The following DLC1 variants were observed in gnomAD, a reference collection of about 807,000 sequenced individuals.
The protein encoded by DLC1 is DLC1 Rho GTPase activating protein.
DLC1 carries 54 observed loss-of-function variants against 140.3 expected under a neutral mutation model. That is an observed-to-expected ratio of 0.38 (90% confidence interval 0.31 to 0.48). The LOEUF is 0.48. DLC1 is among the 20% of genes least tolerant of loss of function. The pLI is 0.96. For synonymous variants in DLC1, 986 were observed against 728.1 expected, an observed-to-expected ratio of 1.35 and a Z score of -5.70; for missense variants, 2,536 against 1,907.0, an observed-to-expected ratio of 1.33 and a Z score of -6.14.
At chr8:13,472,592 A>G (rs1408290651) in intron 2 of DLC1, among the ~76,000 whole-genome samples, 3 of 152,118 alleles carry the variant, frequency 2.0e-5, no homozygotes, top group Non-Finnish European at 4.4e-5. Context: ...AAACCCCCTC[A>G]TGCTCTGCTG....
chr8:13,315,398 T>C (rs978732123), intron 4 of DLC1, among the ~76,000 whole-genome samples: 14 of 152,268 alleles, frequency 9.2e-5, no homozygotes. Context: ...TTGAGATGTC[T>C]ATAAACATTC....
intron 5 of DLC1, among the ~76,000 whole-genome samples, chr8:13,123,728 G>C (rs1165625355): frequency 1.3e-5 from 2 of 151,790 alleles, no homozygotes; most frequent in Non-Finnish European, 2.9e-5. Context: ...TTTCCTCTTT[G>C]TAAGCTCCAA....
intron 5 of DLC1, among the ~76,000 whole-genome samples, chr8:13,143,653 C>T (rs1243485139): frequency 6.6e-6 from 1 of 151,328 alleles, no homozygotes; most frequent in Non-Finnish European, 1.5e-5. Context: ...AAATTGGTGT[C>T]CTCTCACCTT....
intron 1 of DLC1, among the ~76,000 whole-genome samples, chr8:13,508,720 A>T (rs189439245): frequency 2.8e-4 from 42 of 152,134 alleles, no homozygotes; most frequent in Admixed American, 1.4e-3. Flanking sequence ...GCCCGGCCAG[A>T]TGTAGTAATT....
chr8:13,390,640 C>T (rs901254010), intron 4 of DLC1, among the ~76,000 whole-genome samples: 2 of 152,132 alleles, frequency 1.3e-5, no homozygotes, highest in Non-Finnish European at 2.9e-5. Context: ...CCATGGCACA[C>T]GTATGCATAC....
intron 2 of DLC1, among the ~76,000 whole-genome samples, chr8:13,480,807 G>C (rs898687570): frequency 2.6e-5 from 4 of 152,156 alleles, no homozygotes; most frequent in Non-Finnish European, 5.9e-5. Flanking sequence ...GGGAGGCTGA[G>C]GCAGGAGAAT....
intron 5 of DLC1, among the ~76,000 whole-genome samples, chr8:13,135,934 C>A (rs151052179): frequency 6.6e-6 from 1 of 152,262 alleles, no homozygotes; most frequent in South Asian, 2.1e-4. Context: ...ATAATAACTC[C>A]AAAATCCTTT....
chr8:13,563,103 GCTC>G (rs1446919486), intron 1 of DLC1, among the ~76,000 whole-genome samples: 14 of 152,130 alleles, frequency 9.2e-5, no homozygotes, highest in African/African-American at 3.4e-4. Context: ...TTCTCTTCCT[GCTC>G]CTTTTTACTT....
intron 2 of DLC1, among the ~76,000 whole-genome samples, chr8:13,433,108 G>A (rs1316362127): frequency 6.6e-6 from 1 of 152,102 alleles, no homozygotes; most frequent in African/African-American, 2.4e-5. Flanking sequence ...GAGATGAGAT[G>A]CAAAGTACAG....
chr8:13,378,541 G>T (rs1404184631), intron 4 of DLC1, among the ~76,000 whole-genome samples: 1 of 151,984 alleles, frequency 6.6e-6, no homozygotes, highest in Non-Finnish European at 1.5e-5. Context: ...AACCTGAAAA[G>T]ATTCTTCTAC....
rs1491468037 is a variant in DLC1, at chr8:13,521,407, TTA to T, written c.-125-21213_-125-21212del. On this transcript the variant is annotated intron_variant, in intron 1 of 1. Transcript: ENST00000631382. Reference sequence around the variant, plus strand: ...TGCACATGTATCCCAGAACTTAAAATTAAAAAAAAAAAAAGTTCCCTTGCCAT... The same window carrying T: ...TGCACATGTATCCCAGAACTTAAAATAAAAAAAAAAAAGTTCCCTTGCCAT... Among the ~76,000 whole-genome samples the T allele has an allele frequency of 9.8e-5, 13 of 133,132 alleles. No individual in the cohort carries two copies. The East Asian group carries it at 1.5e-3, about 16-fold the overall frequency. The allele number at this position is 133,132 out of a possible 152,430, so 87.3% of individuals were successfully genotyped here. A position where few individuals can be genotyped will look rare whatever the true frequency, so the allele number is the denominator to read the frequency against.
chr8:13,159,797 C>G (rs1824539253), intron 5 of DLC1, among the ~76,000 whole-genome samples: 1 of 148,318 alleles, frequency 6.7e-6, no homozygotes. Flanking sequence ...ATCTGAAGGG[C>G]AAGTGGCAAG....
At chr8:13,258,998 G>C (rs186895166) in intron 5 of DLC1, among the ~76,000 whole-genome samples, 2 of 151,822 alleles carry the variant, frequency 1.3e-5, no homozygotes, top group Non-Finnish European at 2.9e-5. Flanking sequence ...TTAGCCGTGC[G>C]TGGTGGCGGG....
intron 4 of DLC1, among the ~76,000 whole-genome samples, chr8:13,353,961 G>C (rs1030157745): frequency 1.3e-4 from 20 of 152,210 alleles, no homozygotes; most frequent in Non-Finnish European, 7.4e-5. Context: ...AAGTGAAAGA[G>C]GCTGATGGGT....
chr8:13,098,546 C>T lies in DLC1; in HGVS notation c.3020G>A (p.Ser1007Asn), dbSNP rs1226868001. 2 of 1,614,148 alleles carry T rather than the reference C, an allele frequency of 1.2e-6. No individual in the cohort carries two copies. The highest frequency in any genetic ancestry group is 2.2e-5 in the South Asian group (2 of 91,070). The change falls in exon 10 of 18, where the codon AGC (serine) becomes AAC (asparagine). Residue 1007 changes from serine to asparagine, a missense_variant. Physicochemically the swap from Ser to Asn is conservative, Grantham distance 46. Coordinates refer to ENST00000276297, the MANE Select transcript of DLC1 (RefSeq NM_182643.3). Reference protein sequence around the residue: ...RHRLRWHSFQSSHRPSLNSVS... With the variant: ...RHRLRWHSFQNSHRPSLNSVS... ...AGAGTTGAGGCTTGGCCGATGTGAGCTCTGGAAACTGTGCCATCTCAGTCG... is the reference window on the plus strand; with the variant it reads ...AGAGTTGAGGCTTGGCCGATGTGAGTTCTGGAAACTGTGCCATCTCAGTCG...
intron 5 of DLC1, among the ~76,000 whole-genome samples, chr8:13,140,891 C>T (rs112243308): frequency 6.6e-6 from 1 of 152,022 alleles, no homozygotes; most frequent in Admixed American, 6.6e-5. Flanking sequence ...AAAAAATATT[C>T]TAGCTGTCTT....
chr8:13,330,343 GT>G (rs1275892784), intron 4 of DLC1, among the ~76,000 whole-genome samples: 6 of 152,176 alleles, frequency 3.9e-5, no homozygotes, highest in Non-Finnish European at 7.3e-5. Flanking sequence ...CCTGGCAGAG[GT>G]GGAACGTTAG....
chr8:13,335,396 A>G (rs1363087392), intron 4 of DLC1, among the ~76,000 whole-genome samples: 1 of 152,200 alleles, frequency 6.6e-6, no homozygotes, highest in African/African-American at 2.4e-5. Context: ...GGACATGCTG[A>G]TCAACACTTT....
chr8:13,286,090 A>C (rs1025143183), intron 5 of DLC1, among the ~76,000 whole-genome samples: 1 of 152,242 alleles, frequency 6.6e-6, no homozygotes, highest in Non-Finnish European at 1.5e-5. Context: ...AAACAATCCA[A>C]TTGAAAAATC....
Sources: allele counts gnomAD v4.1 joint callset (sites outside exome capture counted in the v4.1 genomes callset), GRCh38; gene constraint gnomAD v4.1.1; transcripts MANE v1.5; gene names NCBI Gene and HGNC (gene_info 2026-07-23, HGNC 2026-07-21).